Variants in ATG4B observed in about 807,000 individuals in gnomAD.
The protein encoded by ATG4B is autophagy related 4B cysteine peptidase, also known as cysteine protease ATG4B.
In ATG4B, 29 loss-of-function variants were observed where a neutral mutation model predicts 56.6. The observed-to-expected ratio is 0.51, with a 90% CI of 0.38 to 0.70. The LOEUF is 0.70. Ranked by LOEUF, ATG4B falls within the 30% of genes least tolerant of loss-of-function variation. The probability of loss-of-function intolerance (pLI) is 0.00; values close to 1 mark genes in which losing one functional copy is unlikely to be tolerated. For missense variants in ATG4B, 461 were observed against 515.5 expected, an observed-to-expected ratio of 0.89 and a Z score of 1.02; for synonymous variants, 224 against 206.1, an observed-to-expected ratio of 1.09 and a Z score of -0.74.
intron 4 of ATG4B, 66 bp from the exon 5 acceptor site, chr2:241,654,480 G>C (rs2068331734): frequency 9.9e-7 from 1 of 1,005,044 alleles, no homozygotes; most frequent in Admixed American, 2.2e-5. Context: ...TGTATCTTTA[G>C]TGTGAAAGTG....
chr2:241,661,263 G>T (rs1005267788), intron 7 of ATG4B, among the ~76,000 whole-genome samples: 3 of 152,224 alleles, frequency 2.0e-5, no homozygotes, highest in African/African-American at 7.2e-5. Flanking sequence ...GAAGGTGCCT[G>T]ATGCCCCCAT....
intron 1 of ATG4B, among the ~76,000 whole-genome samples, chr2:241,650,769 C>G (rs959749530): frequency 6.6e-6 from 1 of 151,896 alleles, no homozygotes; most frequent in Non-Finnish European, 1.5e-5. Flanking sequence ...GCATGCTGGC[C>G]CCACCTCCCT....
intron 7 of ATG4B, among the ~76,000 whole-genome samples, chr2:241,662,266 C>T (rs184213491): frequency 3.3e-5 from 5 of 152,234 alleles, no homozygotes; most frequent in South Asian, 2.1e-4. Flanking sequence ...ATAATAGTAT[C>T]ACTACTAAGC....
At position 241,668,827 on chromosome 2, in the gene ATG4B, G is replaced by C. The variant is rs2068862765; in HGVS notation, c.957+142G>C. The C allele has an allele frequency of 7.9e-7, 1 of 1,270,486 alleles. No individual in the cohort carries two copies. Among genetic ancestry groups the C allele is most frequent in the Non-Finnish European group, 1.1e-6 (1 of 930,768 alleles). 78.7% of individuals were successfully genotyped at this position (1,270,486 alleles called of 1,614,324 possible). On this transcript the variant is annotated intron_variant, in intron 10 of 12. Transcript: ENST00000404914. This position sits in a 1 kb window ranked among gnomAD's most constrained non-coding sequence, Gnocchi z 4.2. The stretch of plus-strand genomic sequence containing the variant: ...GTTCACGTGGTTGGGAATCTGAAGG[G>C]TATAAGAGCCGGAACTGTGTCCTTG...
intron 1 of ATG4B, among the ~76,000 whole-genome samples, chr2:241,646,666 G>A (rs1330675924): frequency 6.6e-6 from 1 of 152,182 alleles, no homozygotes; most frequent in Non-Finnish European, 1.5e-5. Flanking sequence ...CTGCTCTACA[G>A]GGCACTGTGT....
chr2:241,643,693 TTC>T (rs1491267924), intron 1 of ATG4B, among the ~76,000 whole-genome samples: 22 of 108,120 alleles, frequency 2.0e-4, no homozygotes, highest in East Asian at 1.7e-3. Flanking sequence ...TGTATATATT[TTC>T]CCCCCCCCCC....
In ATG4B at chr2:241,672,342, C is replaced by T. The variant is rs965025844; in HGVS notation, c.*78C>T. 2.9e-5 allele frequency: 39 copies of T among 1,342,524 alleles called. No homozygotes were observed. Among genetic ancestry groups the T allele is most frequent in the Non-Finnish European group, 3.8e-5 (37 of 962,556 alleles). The allele number at this position is 1,342,524 out of a possible 1,614,324, so 83.2% of individuals were successfully genotyped here. A position where few individuals can be genotyped will look rare whatever the true frequency, so the allele number is the denominator to read the frequency against. The stretch of plus-strand genomic sequence containing the variant: ...CTGCGTTTCATCCATCCCGCCCGCT[C>T]GCCTGCCGAGGGCTGCGCCCCGTGC... On this transcript the variant is annotated 3_prime_UTR_variant, in exon 13 of 13. Transcript: ENST00000404914.
At position 241,652,026 on chromosome 2, in the gene ATG4B, C is replaced by G; in HGVS notation, c.184+691C>G. The G allele has an allele frequency of 2.4e-6, 3 of 1,259,252 alleles. No homozygotes were observed. In the South Asian group the frequency reaches 3.8e-5, roughly 16 times the overall value. The allele number at this position is 1,259,252 out of a possible 1,614,324, so 78.0% of individuals were successfully genotyped here. A position where few individuals can be genotyped will look rare whatever the true frequency, so the allele number is the denominator to read the frequency against. On this transcript the variant is annotated intron_variant, in intron 3 of 12. Transcript: ENST00000404914. Reference sequence around the variant, plus strand: ...CCTCAGTGCCAGGTCAGGGTTTGGTCCCTCTTCTAGGGGTGGTTTCATTCT... The same window carrying G: ...CCTCAGTGCCAGGTCAGGGTTTGGTGCCTCTTCTAGGGGTGGTTTCATTCT...
chr2:241,657,029 T>C (rs1206849152), intron 6 of ATG4B, among the ~76,000 whole-genome samples: 1 of 143,568 alleles, frequency 7.0e-6, no homozygotes, highest in Non-Finnish European at 1.5e-5. Flanking sequence ...AGTGCAGTGG[T>C]GCAATCTTGG....
chr2:241,673,334 T>C lies in ATG4B; in HGVS notation c.*1070T>C. On this transcript the variant is annotated 3_prime_UTR_variant, in exon 13 of 13. Coordinates refer to ENST00000404914, the MANE Select transcript of ATG4B (RefSeq NM_013325.5). ...CTGTCCCGGGTCCCAGAGTGCACTC[T>C]GCCCCGCTGCTCTGCTGCCTGTCCT... 5.6e-6 allele frequency: 2 copies of C among 355,284 alleles called. No homozygotes were observed. Among genetic ancestry groups the C allele is most frequent in the Non-Finnish European group, 1.1e-5 (2 of 178,926 alleles). The allele number at this position is 355,284 out of a possible 1,614,324, so 22.0% of individuals were successfully genotyped here. A position where few individuals can be genotyped will look rare whatever the true frequency, so the allele number is the denominator to read the frequency against.
chr2:241,651,147 GC>G lies in ATG4B; in HGVS notation c.112+37del. On this transcript the variant is annotated intron_variant, in intron 2 of 12. Transcript: ENST00000404914. This position sits in a 1 kb window ranked among gnomAD's most constrained non-coding sequence, Gnocchi z 4.1. Reference sequence around the variant, plus strand: ...TGCTGGAGCCCACCCTGGTCTGACCGCTTGGCCTGCAGAAGCATTTTGTGAT... The same window carrying G: ...TGCTGGAGCCCACCCTGGTCTGACCGTTGGCCTGCAGAAGCATTTTGTGAT... The G allele has an allele frequency of 6.3e-7, 1 of 1,583,672 alleles. No individual in the cohort carries two copies. Among genetic ancestry groups the G allele is most frequent in the Non-Finnish European group, 8.6e-7 (1 of 1,160,196 alleles).
chr2:241,653,577 G>A lies in ATG4B; in HGVS notation c.250G>A (p.Ala84Thr). 2 of 1,576,920 alleles carry A rather than the reference G, an allele frequency of 1.3e-6. No individual in the cohort carries two copies. Among genetic ancestry groups the A allele is most frequent in the Non-Finnish European group, 1.7e-6 (2 of 1,161,208 alleles). ...CMLRCGQMIFAQALVCRHLGR... is the reference protein window; with the variant it reads ...CMLRCGQMIFTQALVCRHLGR... ...GCTGCGGTGTGGACAGATGATCTTT[G>A]CCCAAGCCCTGGTGTGCCGGCACCT... Residue 84 changes from alanine to threonine, a missense_variant, in exon 4 of 13, where the codon GCC becomes ACC. By Grantham distance (58) the Ala-to-Thr change is moderately conservative (BLOSUM62 0). Coordinates refer to ENST00000404914, the MANE Select transcript of ATG4B (RefSeq NM_013325.5).
rs139939729 is a variant in ATG4B at position 241,665,366 on chromosome 2, C to T, written c.539-1279C>T. On this transcript the variant is annotated intron_variant, in intron 7 of 12. Transcript: ENST00000404914. ...CACGACTCACCAGGGTCCGTCTTGGCCCCTTGCTGTCCAGGGAACAACCCG... is the reference window on the plus strand; with the variant it reads ...CACGACTCACCAGGGTCCGTCTTGGTCCCTTGCTGTCCAGGGAACAACCCG... 4.9e-3 allele frequency among the ~76,000 whole-genome samples: 740 copies of T among 152,334 alleles called. 5 individuals are homozygous for T. Among genetic ancestry groups the T allele is most frequent in the African/African-American group, 0.017 (704 of 41,576 alleles).
chr2:241,672,150 C>T (rs1344481896), intron 12 of ATG4B, 41 bp from the exon 13 acceptor site: 1 of 1,553,522 alleles, frequency 6.4e-7, no homozygotes, highest in Non-Finnish European at 8.7e-7. Context: ...CCCAGGTGGC[C>T]CACCCAAGAT....
chr2:241,670,792 C>T lies in ATG4B; in HGVS notation c.1014+10C>T, dbSNP rs375053023. ...CCAGCAAGTCAAAAAGGTTTGTAGC[C>T]GCCCCACACCCACAGCCGAGCTGAG... On this transcript the variant is annotated intron_variant, in intron 11 of 12. Coordinates refer to ENST00000404914, the MANE Select transcript of ATG4B (RefSeq NM_013325.5). 39 of 1,604,488 alleles carry T rather than the reference C, an allele frequency of 2.4e-5. 2 individuals carry two copies. The African/African-American group carries it at 2.8e-4, about 12-fold the overall frequency.
chr2:241,654,291 T>C (rs911197267), intron 4 of ATG4B, among the ~76,000 whole-genome samples: 5 of 151,852 alleles, frequency 3.3e-5, no homozygotes, highest in African/African-American at 4.8e-5. Flanking sequence ...CTTGGTGACA[T>C]GTGCCTGTAG....
Position 241,673,043 on chromosome 2 carries a change from G to T in ATG4B, c.*779G>T. 1 of 18,792 alleles carries T rather than the reference G, an allele frequency of 5.3e-5. No homozygotes were observed. Among genetic ancestry groups the T allele is most frequent in the Non-Finnish European group, 9.9e-5 (1 of 10,078 alleles). 1.2% of individuals were successfully genotyped at this position (18,792 alleles called of 1,614,324 possible). On this transcript the variant is annotated 3_prime_UTR_variant, in exon 13 of 13. Transcript: ENST00000404914. ...GCAGCTTCCCCAGGTGTGGTGACGG[G>T]GGGGGGGCGGGGCCTCCACCTGTGA...
At chr2:241,667,252 G>A (rs544310950) in intron 8 of ATG4B, among the ~76,000 whole-genome samples, 16 of 152,230 alleles carry the variant, frequency 1.1e-4, no homozygotes, top group African/African-American at 3.8e-4. Context: ...CGTGTGGGCA[G>A]GGCCTGGGGA....
intron 6 of ATG4B, among the ~76,000 whole-genome samples, chr2:241,656,755 G>C (rs572495609): frequency 6.6e-6 from 1 of 151,914 alleles, no homozygotes; most frequent in African/African-American, 2.4e-5. Context: ...GCCCGTGCTG[G>C]CCCCAGCCTG....
Sources: gnomAD v4.1 joint callset for allele counts (sites outside exome capture counted in the v4.1 genomes callset) on GRCh38, gnomAD v4.1.1 for gene constraint, Gnocchi (gnomAD v3.1) non-coding constraint, MANE v1.5 for transcripts, NCBI Gene and HGNC (gene_info 2026-07-23, HGNC 2026-07-21) for gene names.